Variants in GOLGB1 observed in about 807,000 individuals in gnomAD.
GOLGB1 encodes the protein golgin B1.
GOLGB1 carries 174 observed loss-of-function variants against 336.9 expected under a neutral mutation model. The ratio of observed to expected loss-of-function variants is 0.52; its 90% CI spans 0.46 to 0.59. The LOEUF is 0.59. GOLGB1 is among the 20% of genes least tolerant of loss of function. The pLI, the probability that GOLGB1 is intolerant of heterozygous loss-of-function variation, is 0.00. For synonymous variants in GOLGB1, 1,208 were observed against 1,289.2 expected (o/e 0.94, Z 1.35); for missense variants, 3,331 against 3,645.3 (o/e 0.91, Z 2.22).
chr3:121,672,403 T>A (rs1939671371), intron 17 of GOLGB1, among the ~76,000 whole-genome samples: 1 of 152,228 alleles, frequency 6.6e-6, no homozygotes, highest in African/African-American at 2.4e-5. Context: ...TTTTTTTTTA[T>A]ATCTGTTGGC....
chr3:121,679,880 A>ACT (rs1940870132), intron 15 of GOLGB1, among the ~76,000 whole-genome samples: 1 of 151,928 alleles, frequency 6.6e-6, no homozygotes, highest in Non-Finnish European at 1.5e-5. Flanking sequence ...TTAATAAGGC[A>ACT]CTCTTCCTTG....
intron 6 of GOLGB1, 35 bp from the exon 7 acceptor site, chr3:121,719,803 C>T (rs779284823): frequency 1.9e-6 from 3 of 1,558,754 alleles, no homozygotes; most frequent in African/African-American, 2.8e-5. Flanking sequence ...ATGCAAGTTA[C>T]ACTCCCCGAA....
chr3:121,694,447 C>G lies in GOLGB1; in HGVS notation c.6076G>C (p.Val2026Leu), dbSNP rs750785347. 1.9e-6 allele frequency: 3 copies of G among 1,613,132 alleles called. No individual in the cohort carries two copies. Among genetic ancestry groups the G allele is most frequent in the South Asian group, 2.2e-5 (2 of 90,864 alleles). ...QELLKEKQQE[V>L]KQLQKDCIRY... Reference sequence around the variant, plus strand: ...ATGCAGTCCTTCTGTAGCTGCTTTACTTCTTGTTGTTTTTCTTTTAACAGT... The same window carrying G: ...ATGCAGTCCTTCTGTAGCTGCTTTAGTTCTTGTTGTTTTTCTTTTAACAGT... Residue 2026 changes from valine (V) to leucine (L), a missense_variant, in exon 13 of 22, where the codon GTA (valine) becomes CTA (leucine). Coordinates refer to ENST00000614479, the MANE Select transcript of GOLGB1 (RefSeq NM_001366282.2).
intron 1 of GOLGB1, among the ~76,000 whole-genome samples, chr3:121,748,132 G>T (rs2108472083): frequency 6.6e-6 from 1 of 152,198 alleles, no homozygotes; most frequent in South Asian, 2.1e-4. Flanking sequence ...GTTTAAGAAA[G>T]GCTGCATCCC....
At position 121,675,849 on chromosome 3, in the gene GOLGB1, A is replaced by G. The variant is rs146496997; in HGVS notation, c.9177+1044T>C. Among the ~76,000 whole-genome samples the G allele has an allele frequency of 4.5e-3, 688 of 152,356 alleles. 5 individuals carry two copies. The highest frequency in any genetic ancestry group is 0.016 in the African/African-American group (656 of 41,576). ...CAGTTTAAAACACTGTCCTAGACAGACAAATGCCCAATGTGATTCAGAGTC... is the reference window on the plus strand; with the variant it reads ...CAGTTTAAAACACTGTCCTAGACAGGCAAATGCCCAATGTGATTCAGAGTC... On this transcript the variant is annotated intron_variant, in intron 17 of 21. Transcript: ENST00000614479.
chr3:121,674,241 T>A (rs1275501439), intron 17 of GOLGB1, among the ~76,000 whole-genome samples: 1 of 152,152 alleles, frequency 6.6e-6, no homozygotes, highest in African/African-American at 2.4e-5. Context: ...ATGTGCTTTT[T>A]TTTTTGTTTT....
At chr3:121,728,289 G>A (rs1945823517) in intron 4 of GOLGB1, among the ~76,000 whole-genome samples, 1 of 152,160 alleles carries the variant, frequency 6.6e-6, no homozygotes, top group East Asian at 1.9e-4. Context: ...CAGGAACTGG[G>A]TCACTAACTA....
chr3:121,686,584 A>G (rs535566538), intron 14 of GOLGB1, among the ~76,000 whole-genome samples: 1 of 152,246 alleles, frequency 6.6e-6, no homozygotes, highest in Non-Finnish European at 1.5e-5. Context: ...AGATGTACAA[A>G]TAAGTATAAG....
rs1945789276 is a variant in GOLGB1, at chr3:121,727,804, A to C, written c.403-763T>G. Among the ~76,000 whole-genome samples the C allele has an allele frequency of 3.3e-5, 5 of 152,180 alleles. No individual in the cohort carries two copies. The South Asian group carries it at 1.0e-3, about 32-fold the overall frequency. ...AAGAATACTTTTATACTTTCACATA[A>C]GTCAGTCAAGCACCTGAGGACTGTT... On this transcript the variant is annotated intron_variant, in intron 4 of 21. Coordinates refer to ENST00000614479, the MANE Select transcript of GOLGB1 (RefSeq NM_001366282.2).
chr3:121,693,112 A>C (rs1171758694), intron 13 of GOLGB1, among the ~76,000 whole-genome samples: 1 of 152,200 alleles, frequency 6.6e-6, no homozygotes, highest in Non-Finnish European at 1.5e-5. Flanking sequence ...GACTAAAGGA[A>C]GAAGAAAAGA....
At chr3:121,703,533 T>G (rs1248104636) in intron 10 of GOLGB1, among the ~76,000 whole-genome samples, 4 of 152,308 alleles carry the variant, frequency 2.6e-5, no homozygotes, top group African/African-American at 9.6e-5. Context: ...CTGAAATTTC[T>G]GACTGAACAA....
intron 1 of GOLGB1, among the ~76,000 whole-genome samples, chr3:121,748,549 T>G (rs574599086): frequency 6.6e-6 from 1 of 152,292 alleles, no homozygotes; most frequent in African/African-American, 2.4e-5. Flanking sequence ...ACTCTTCAAC[T>G]TTTTCCTGCA....
intron 1 of GOLGB1, among the ~76,000 whole-genome samples, chr3:121,749,340 G>T (rs760823876): frequency 1.3e-5 from 2 of 152,168 alleles, no homozygotes; most frequent in Non-Finnish European, 2.9e-5. Flanking sequence ...TTTCCCCGTC[G>T]CTCCCAGAGG....
At chr3:121,675,821 T>C (rs1287475522) in intron 17 of GOLGB1, among the ~76,000 whole-genome samples, 4 of 152,256 alleles carry the variant, frequency 2.6e-5, no homozygotes, top group Admixed American at 2.0e-4. Context: ...TGGTCCTGAA[T>C]TTCAGTTTAA....
chr3:121,727,054 G>A lies in GOLGB1; in HGVS notation c.403-13C>T. On this transcript the variant is annotated splice_polypyrimidine_tract_variant and intron_variant, in intron 4 of 21. Coordinates refer to ENST00000614479, the MANE Select transcript of GOLGB1 (RefSeq NM_001366282.2). ...AACTCTTGTCATGCTGAAAATGCAGGAGATAAAGTCATTATTTAAAAGAAT... is the reference window on the plus strand; with the variant it reads ...AACTCTTGTCATGCTGAAAATGCAGAAGATAAAGTCATTATTTAAAAGAAT... 2.0e-6 allele frequency: 3 copies of A among 1,478,968 alleles called. No homozygotes were observed. Among genetic ancestry groups the A allele is most frequent in the Non-Finnish European group, 2.8e-6 (3 of 1,084,562 alleles). The allele number at this position is 1,478,968 out of a possible 1,614,324, so 91.6% of individuals were successfully genotyped here.
Position 121,725,035 on chromosome 3 carries a change from C to T in GOLGB1, c.531+1878G>A, listed in dbSNP as rs552286549. On this transcript the variant is annotated intron_variant, in intron 5 of 21. Transcript: ENST00000614479. The stretch of plus-strand genomic sequence containing the variant: ...GGCTTGGTAGTCTCCACTTACATGT[C>T]GAAGGATGTCATCAATAGCCAGGGG... Among the ~76,000 whole-genome samples the T allele has an allele frequency of 5.9e-5, 9 of 152,232 alleles. No homozygotes were observed. In the South Asian group the frequency reaches 1.9e-3, roughly 32 times the overall value.
Position 121,698,617 on chromosome 3 carries a change from T to C in GOLGB1, c.1906A>G (p.Ser636Gly). 1 of 1,613,684 alleles carries C rather than the reference T, an allele frequency of 6.2e-7. No homozygotes were observed. The highest frequency in any genetic ancestry group is 8.5e-7 in the Non-Finnish European group (1 of 1,179,632). Reference protein sequence around the residue: ...DFPLMPNEESSLPAVEKEQAS... With the variant: ...DFPLMPNEESGLPAVEKEQAS... ...TGTTCTTTTTCAACTGCTGGAAGAC[T>C]GCTCTCTTCATTTGGCATTAAGGGA... The change falls in exon 13 of 22, where the codon AGT becomes GGT. Residue 636 changes from serine (S) to glycine (G), a missense_variant. Ser to Gly is a moderately conservative substitution (Grantham distance 56, BLOSUM62 0). Transcript: ENST00000614479.
At chr3:121,719,009 T>C (rs1944984970) in intron 7 of GOLGB1, among the ~76,000 whole-genome samples, 2 of 152,248 alleles carry the variant, frequency 1.3e-5, no homozygotes, top group Non-Finnish European at 2.9e-5. Flanking sequence ...CTTTATTTAG[T>C]GGTGCATTCT....
Position 121,719,066 on chromosome 3 carries a change from T to A in GOLGB1, c.772-565A>T, listed in dbSNP as rs79341409. Among the ~76,000 whole-genome samples, 446 of 152,366 alleles carry A rather than the reference T, an allele frequency of 2.9e-3. 2 individuals are homozygous for A. The highest frequency in any genetic ancestry group is 1.0e-2 in the African/African-American group (414 of 41,578). On this transcript the variant is annotated intron_variant, in intron 7 of 21. Coordinates refer to ENST00000614479, the MANE Select transcript of GOLGB1 (RefSeq NM_001366282.2). ...AAGTTTCCGTTCTAATTAATTCTAA[T>A]TAATTTTCAATCTAATTAAACAGAT...
Sources: gnomAD v4.1 joint callset for allele counts (sites outside exome capture counted in the v4.1 genomes callset) on GRCh38, gnomAD v4.1.1 for gene constraint, MANE v1.5 for transcripts, NCBI Gene and HGNC (gene_info 2026-07-23, HGNC 2026-07-21) for gene names.